Variants in DYNLT2 observed in about 807,000 individuals in gnomAD.
DYNLT2 encodes the protein dynein light chain Tctex-type protein 2.
In DYNLT2, 24 loss-of-function variants were observed where a neutral mutation model predicts 24.3. The ratio of observed to expected loss-of-function variants is 0.99; its 90% CI spans 0.71 to 1.39. The LOEUF is 1.39. DYNLT2 is among the 40% of genes most tolerant of loss of function. The probability of loss-of-function intolerance (pLI) is 0.00; values close to 1 mark genes in which losing one functional copy is unlikely to be tolerated. For missense variants in DYNLT2, 246 were observed against 234.5 expected, an observed-to-expected ratio of 1.05 and a Z score of -0.32; for synonymous variants, 85 against 85.4, an observed-to-expected ratio of 1.00 and a Z score of 0.03.
the DYNLT2 span, among the ~76,000 whole-genome samples, chr6:169,731,529 G>GC: frequency 6.6e-6 from 1 of 152,138 alleles, no homozygotes; most frequent in East Asian, 1.9e-4. Context: ...CTGAATACCA[G>GC]CCCCCCAATA....
the DYNLT2 span, among the ~76,000 whole-genome samples, chr6:169,732,912 G>A: frequency 1.3e-5 from 2 of 152,276 alleles, no homozygotes; most frequent in South Asian, 4.1e-4. Context: ...CAGTGTAAAA[G>A]TGTTCCTATT....
At chr6:169,725,820 C>G in the DYNLT2 span, 1 of 152,510 alleles carries the variant, frequency 6.6e-6, no homozygotes, top group Non-Finnish European at 1.5e-5. Context: ...ACTGCCAAAA[C>G]CACAACCTTG....
At chr6:169,747,069 T>C (rs1005603972) in intron 1 of DYNLT2, among the ~76,000 whole-genome samples, 1 of 151,666 alleles carries the variant, frequency 6.6e-6, no homozygotes, top group African/African-American at 2.4e-5. Context: ...CTTTGCTTTT[T>C]GAACGATATT....
In DYNLT2 at chr6:169,743,204, A is replaced by G. The variant is rs13194101; in HGVS notation, c.362T>C (p.Val121Ala). Reference sequence around the variant, plus strand: ...CAATTCAAGTGACAAGTGAGAGAATACTTTATCATCATATTTGACATCTTT... The same window carrying G: ...CAATTCAAGTGACAAGTGAGAGAATGCTTTATCATCATATTTGACATCTTT... ...SLKDVKYDDK[V>A]FSHLSLELAD... Residue 121 changes from valine to alanine, a missense_variant, in exon 3 of 4, where the codon GTA (valine) becomes GCA (alanine). Physicochemically the swap from Val to Ala is moderately conservative, Grantham distance 64. Coordinates refer to ENST00000366774, the MANE Select transcript of DYNLT2 (RefSeq NM_174910.3). 0.024 allele frequency: 37,048 copies of G among 1,568,794 alleles called. 533 individuals carry two copies. The highest frequency in any genetic ancestry group is 0.028 in the Non-Finnish European group (32,429 of 1,151,232).
chr6:169,751,229 CT>C, intron 1 of DYNLT2, 109 bp downstream of exon 1: 1 of 1,466,562 alleles, frequency 6.8e-7, no homozygotes. Context: ...AAGGGAGATG[CT>C]GCCTCCTTGG....
intron 3 of DYNLT2, 95 bp downstream of exon 3, chr6:169,742,985 G>T: frequency 1.1e-6 from 1 of 934,508 alleles, no homozygotes; most frequent in Non-Finnish European, 1.5e-6. Flanking sequence ...AGAATCTATG[G>T]CATGCCCTTG....
At chr6:169,725,515 TG>T in the DYNLT2 span, 5 of 394,816 alleles carry the variant, frequency 1.3e-5, no homozygotes, top group Non-Finnish European at 2.2e-5. Context: ...CATCCGTTCT[TG>T]CCTCTGTCCC....
chr6:169,732,971 A>C, the DYNLT2 span, among the ~76,000 whole-genome samples: 2 of 152,040 alleles, frequency 1.3e-5, no homozygotes, highest in African/African-American at 2.4e-5. Flanking sequence ...TTTAATAATC[A>C]CCATTCTGAC....
At chr6:169,725,659 A>C in the DYNLT2 span, 270 of 208,020 alleles carry the variant, frequency 1.3e-3, 1 homozygote, top group Admixed American at 2.1e-3. Context: ...AAAAAACAAA[A>C]ACAAAAAAAA....
chr6:169,727,052 AAG>A, the DYNLT2 span, among the ~76,000 whole-genome samples: 1 of 152,254 alleles, frequency 6.6e-6, no homozygotes, highest in Non-Finnish European at 1.5e-5. Flanking sequence ...AGTGTTTTAA[AAG>A]AGGGACTGGT....
At chr6:169,736,129 C>T (rs1202369785), downstream of DYNLT2, among the ~76,000 whole-genome samples, 8 of 138,302 alleles carry the variant, frequency 5.8e-5, no homozygotes, top group African/African-American at 8.3e-5. Context: ...GTTGTTGTTT[C>T]GTTTTTTTGT....
chr6:169,740,392 A>G (rs1161165081), intron 3 of DYNLT2, 97 bp from the exon 4 acceptor site: 3 of 715,040 alleles, frequency 4.2e-6, no homozygotes, highest in Non-Finnish European at 7.5e-6. Context: ...ATGCATCAGT[A>G]TCTCAGAAAT....
chr6:169,744,052 A>G lies in DYNLT2; in HGVS notation c.327+16T>C, dbSNP rs762136694. On this transcript the variant is annotated intron_variant, in intron 2 of 3. Coordinates refer to ENST00000366774, the MANE Select transcript of DYNLT2 (RefSeq NM_174910.3). ...CCCTCATACAATACTGCTATCATATATATTTATCAACCTACTGTTAGTATC... is the reference window on the plus strand; with the variant it reads ...CCCTCATACAATACTGCTATCATATGTATTTATCAACCTACTGTTAGTATC... 7 of 1,606,014 alleles carry G rather than the reference A, an allele frequency of 4.4e-6. No individual in the cohort carries two copies. Among genetic ancestry groups the G allele is most frequent in the Non-Finnish European group, 5.1e-6 (6 of 1,176,706 alleles).
chr6:169,749,271 T>C (rs1789886480), intron 1 of DYNLT2, among the ~76,000 whole-genome samples: 1 of 152,178 alleles, frequency 6.6e-6, no homozygotes, highest in African/African-American at 2.4e-5. Flanking sequence ...CGGCTAATTT[T>C]TGTATTTTTA....
At chr6:169,746,053 G>A (rs973775556) in intron 1 of DYNLT2, among the ~76,000 whole-genome samples, 2 of 152,036 alleles carry the variant, frequency 1.3e-5, no homozygotes, top group South Asian at 4.2e-4. Flanking sequence ...AAATTTCTGG[G>A]CACAGAATTG....
intron 1 of DYNLT2, among the ~76,000 whole-genome samples, chr6:169,746,892 C>T (rs1306392643): frequency 1.3e-5 from 2 of 150,880 alleles, no homozygotes; most frequent in African/African-American, 4.9e-5. Context: ...TTGCTTAAGT[C>T]ACACAGGATG....
chr6:169,740,157 G>T lies in DYNLT2; in HGVS notation c.*28C>A. The T allele has an allele frequency of 7.1e-7, 1 of 1,414,450 alleles. No individual in the cohort carries two copies. The highest frequency in any genetic ancestry group is 9.9e-7 in the Non-Finnish European group (1 of 1,006,916). The allele number at this position is 1,414,450 out of a possible 1,614,324, so 87.6% of individuals were successfully genotyped here. On this transcript the variant is annotated 3_prime_UTR_variant, in exon 4 of 4. Coordinates refer to ENST00000366774, the MANE Select transcript of DYNLT2 (RefSeq NM_174910.3). ...TCATTTATTTTTGAAAAGTTCGGAA[G>T]TAAACAATCCTTAGTACCTGTAATG...
intron 1 of DYNLT2, chr6:169,750,056 C>CAT (rs1330536391): frequency 1.3e-5 from 2 of 152,144 alleles, no homozygotes; most frequent in Non-Finnish European, 2.9e-5. Flanking sequence ...TGATCACATC[C>CAT]ATATCAAATA....
At position 169,751,333 on chromosome 6, in the gene DYNLT2, A is replaced by C. The variant is rs1378232285; in HGVS notation, c.120+6T>G. ...GTCTCGGGCCCCTAGCAGTCTCCGC[A>C]CTCACTGCCTCCTTCTCGAACATGC... On this transcript the variant is annotated splice_donor_region_variant and intron_variant, in intron 1 of 3. Coordinates refer to ENST00000366774, the MANE Select transcript of DYNLT2 (RefSeq NM_174910.3). 1 of 1,613,128 alleles carries C rather than the reference A, an allele frequency of 6.2e-7. No individual in the cohort carries two copies. The highest frequency in any genetic ancestry group is 8.5e-7 in the Non-Finnish European group (1 of 1,179,730).
Sources: gnomAD v4.1 joint callset for allele counts (sites outside exome capture counted in the v4.1 genomes callset) on GRCh38, gnomAD v4.1.1 for gene constraint, MANE v1.5 for transcripts, NCBI Gene and HGNC (gene_info 2026-07-23, HGNC 2026-07-21) for gene names.